The following GPR39 variants were observed in gnomAD, a reference collection of about 807,000 sequenced individuals.
The protein encoded by GPR39 is G protein-coupled receptor 39.
A neutral mutation model predicts 18.4 loss-of-function variants in GPR39; 23 were observed. That is an observed-to-expected ratio of 1.25 (90% CI 0.90 to 1.77). The LOEUF is 1.77. GPR39 is among the 40% of genes most tolerant of loss of function. GPR39 has a pLI of 0.00. For missense variants in GPR39, 647 were observed against 602.4 expected (o/e 1.07, Z -0.78); for synonymous variants, 280 against 257.9 (o/e 1.09, Z -0.82).
chr2:132,456,376 G>A (rs928234589), intron 1 of GPR39, among the ~76,000 whole-genome samples: 9 of 149,412 alleles, frequency 6.0e-5, no homozygotes, highest in Non-Finnish European at 1.2e-4. Flanking sequence ...GTGCATCTTT[G>A]CACATGAGAT....
chr2:132,523,784 G>C (rs2104769015), intron 1 of GPR39: 1 of 152,780 alleles, frequency 6.5e-6, no homozygotes, highest in Middle Eastern at 3.4e-3. Flanking sequence ...CAACAGAGGA[G>C]AAATGGTCTT....
At chr2:132,552,901 T>C (rs537667963) in intron 1 of GPR39, among the ~76,000 whole-genome samples, 6 of 97,624 alleles carry the variant, frequency 6.1e-5, no homozygotes, top group South Asian at 7.8e-4. Context: ...CATATATATA[T>C]ACACACACAT....
At chr2:132,438,841 AG>A (rs1297142023) in intron 1 of GPR39, among the ~76,000 whole-genome samples, 1 of 152,144 alleles carries the variant, frequency 6.6e-6, no homozygotes, top group Non-Finnish European at 1.5e-5. Flanking sequence ...CCTGGAGAGA[AG>A]GGGAAAGTAG....
chr2:132,645,654 G>GA lies in GPR39; in HGVS notation c.*52dup, dbSNP rs1553462432. The GA allele has an allele frequency of 6.4e-6, 10 of 1,567,882 alleles. No individual in the cohort carries two copies. Among genetic ancestry groups the GA allele is most frequent in the Non-Finnish European group, 8.6e-6 (10 of 1,159,074 alleles). Reference sequence around the variant, plus strand: ...GTGGGAACTGGCCCTCCAGCCCTAAGAAAACGTCACTCTCACTCTGCAGTC... The same window carrying GA: ...GTGGGAACTGGCCCTCCAGCCCTAAGAAAAACGTCACTCTCACTCTGCAGTC... On this transcript the variant is annotated 3_prime_UTR_variant, in exon 2 of 2. Transcript: ENST00000329321.
chr2:132,476,168 C>T (rs1295338646), intron 1 of GPR39, among the ~76,000 whole-genome samples: 1 of 152,062 alleles, frequency 6.6e-6, no homozygotes, highest in Non-Finnish European at 1.5e-5. Context: ...TCCTTTAACT[C>T]GGGCCTAGTA....
chr2:132,575,711 A>G (rs1290688404), intron 1 of GPR39, among the ~76,000 whole-genome samples: 1 of 152,170 alleles, frequency 6.6e-6, no homozygotes, highest in African/African-American at 2.4e-5. Context: ...ATGATATTGA[A>G]TGTCCTGCAT....
intron 1 of GPR39, among the ~76,000 whole-genome samples, chr2:132,628,607 T>C (rs1681594115): frequency 1.3e-5 from 2 of 152,148 alleles, no homozygotes; most frequent in Admixed American, 6.5e-5. Context: ...GGATAACTGT[T>C]TTTTCTCCTT....
At chr2:132,630,148 A>G (rs903575525) in intron 1 of GPR39, among the ~76,000 whole-genome samples, 1 of 152,154 alleles carries the variant, frequency 6.6e-6, no homozygotes, top group Admixed American at 6.5e-5. Context: ...CTCGAACCCC[A>G]TGGAGCTCAC....
intron 1 of GPR39, among the ~76,000 whole-genome samples, chr2:132,437,775 G>GT (rs1680352239): frequency 6.6e-6 from 1 of 152,180 alleles, no homozygotes; most frequent in Non-Finnish European, 1.5e-5. Context: ...ACCAGGGAAG[G>GT]AAGGCTGACA....
chr2:132,592,145 A>C (rs1680857059), intron 1 of GPR39, among the ~76,000 whole-genome samples: 2 of 152,192 alleles, frequency 1.3e-5, no homozygotes, highest in African/African-American at 2.4e-5. Flanking sequence ...GTTTATTGTC[A>C]GTTGGTGGAG....
chr2:132,614,204 G>A (rs968770955), intron 1 of GPR39, among the ~76,000 whole-genome samples: 1 of 149,824 alleles, frequency 6.7e-6, no homozygotes, highest in Non-Finnish European at 1.5e-5. Context: ...GTTTTGTTTT[G>A]TTTTTGTTTT....
At chr2:132,587,242 A>G (rs1454282858) in intron 1 of GPR39, among the ~76,000 whole-genome samples, 1 of 152,208 alleles carries the variant, frequency 6.6e-6, no homozygotes, top group Non-Finnish European at 1.5e-5. Context: ...GTGCAGTTTA[A>G]AAAAAGTATC....
intron 1 of GPR39, among the ~76,000 whole-genome samples, chr2:132,493,738 T>C (rs1681579707): frequency 6.6e-6 from 1 of 151,716 alleles, no homozygotes; most frequent in African/African-American, 2.4e-5. Flanking sequence ...CTCATCCACT[T>C]AGGGTTCTCC....
chr2:132,538,335 G>C (rs562442695), intron 1 of GPR39, among the ~76,000 whole-genome samples: 2 of 152,238 alleles, frequency 1.3e-5, no homozygotes, highest in African/African-American at 2.4e-5. Context: ...CAGTTTGCTG[G>C]GTATCCTCTC....
intron 1 of GPR39, among the ~76,000 whole-genome samples, chr2:132,540,077 C>T (rs921555635): frequency 3.3e-5 from 5 of 152,136 alleles, no homozygotes; most frequent in African/African-American, 9.7e-5. Context: ...ATCCTACACC[C>T]CCTAACTCCT....
chr2:132,484,865 G>T (rs1255098389), intron 1 of GPR39, among the ~76,000 whole-genome samples: 1 of 152,246 alleles, frequency 6.6e-6, no homozygotes, highest in Non-Finnish European at 1.5e-5. Flanking sequence ...CAGGTTGGTT[G>T]TGCCAGAGGC....
chr2:132,445,525 T>C (rs1680519601), intron 1 of GPR39, among the ~76,000 whole-genome samples: 1 of 152,218 alleles, frequency 6.6e-6, no homozygotes, highest in Non-Finnish European at 1.5e-5. Flanking sequence ...TGTAATAGAC[T>C]TAACCTTGAT....
intron 1 of GPR39, among the ~76,000 whole-genome samples, chr2:132,587,968 G>C (rs1220849439): frequency 1.3e-5 from 2 of 152,166 alleles, no homozygotes. Context: ...CCAGCTTTAA[G>C]GTTCATGAGT....
intron 1 of GPR39, among the ~76,000 whole-genome samples, chr2:132,616,536 A>G (rs551959461): frequency 3.9e-5 from 6 of 152,164 alleles, no homozygotes; most frequent in African/African-American, 1.2e-4. Flanking sequence ...GAGAGGCCCT[A>G]TTCTCTGACT....
Sources: allele counts gnomAD v4.1 joint callset (sites outside exome capture counted in the v4.1 genomes callset), GRCh38; gene constraint gnomAD v4.1.1; transcripts MANE v1.5; gene names NCBI Gene and HGNC (gene_info 2026-07-23, HGNC 2026-07-21).